The following ANK1 variants were observed in gnomAD, a reference collection of about 807,000 sequenced individuals.
The protein encoded by ANK1 is ankyrin-1.
Under a neutral mutation model 210.4 loss-of-function variants are expected in ANK1, and 51 were observed. The observed-to-expected ratio is 0.24, with a 90% CI of 0.19 to 0.31. ANK1 has a LOEUF of 0.31. Among genes scored for constraint, ANK1 ranks in the 10% least tolerant of loss-of-function variants. The pLI, the probability that ANK1 is intolerant of heterozygous loss-of-function variation, is 1.00. For missense variants in ANK1, 2,051 were observed against 2,504.4 expected (o/e 0.82, Z 3.86); for synonymous variants, 967 against 1,025.9 (o/e 0.94, Z 1.10).
intron 3 of ANK1, 87 bp downstream of exon 3, chr8:41,733,884 G>A: frequency 9.3e-7 from 1 of 1,074,512 alleles, no homozygotes; most frequent in African/African-American, 1.5e-5. Context: ...GCATGCCTGA[G>A]TTCTCTCATG....
At chr8:41,737,088 C>A (rs576757090) in intron 2 of ANK1, among the ~76,000 whole-genome samples, 17 of 152,324 alleles carry the variant, frequency 1.1e-4, no homozygotes, top group Admixed American at 9.8e-4. Flanking sequence ...CACTTGAGGG[C>A]AGGAGTTCGA....
At chr8:41,803,095 A>AAGGGAAGGGAAGGGAAGGG (rs1563811383) in intron 1 of ANK1, among the ~76,000 whole-genome samples, 1 of 50,934 alleles carries the variant, frequency 2.0e-5, no homozygotes, top group South Asian at 6.8e-4. Context: ...GAAGGAAAGG[A>AAGGGAAGGGAAGGGAAGGG]AAGGAAAGGA....
chr8:41,724,365 T>A (rs981190190), intron 7 of ANK1, 91 bp downstream of exon 7: 39 of 1,152,520 alleles, frequency 3.4e-5, no homozygotes, highest in Non-Finnish European at 4.7e-5. Context: ...CAGGCACTTC[T>A]GCCACTGGGA....
At chr8:41,665,178 G>C in intron 39 of ANK1, 1 of 1,533,686 alleles carries the variant, frequency 6.5e-7, no homozygotes, top group Non-Finnish European at 8.7e-7. Flanking sequence ...GTCTCTCACT[G>C]TTTCTCTCTC....
At chr8:41,823,011 G>A (rs1346624793) in intron 1 of ANK1, among the ~76,000 whole-genome samples, 3 of 152,238 alleles carry the variant, frequency 2.0e-5, no homozygotes, top group East Asian at 3.8e-4. Context: ...ACGCCTACAT[G>A]ACAGGCTGCT....
intron 1 of ANK1, among the ~76,000 whole-genome samples, chr8:41,812,621 G>C (rs1185730613): frequency 6.6e-6 from 1 of 152,202 alleles, no homozygotes; most frequent in Admixed American, 6.5e-5. Flanking sequence ...TGTGTCTGCA[G>C]TTTCTTAGAA....
In ANK1 at chr8:41,655,150, G is replaced by C; in HGVS notation, c.*640C>G. On this transcript the variant is annotated 3_prime_UTR_variant, in exon 43 of 43. Coordinates refer to ENST00000289734, the MANE Select transcript of ANK1 (RefSeq NM_000037.4). ...GAGTGGTGTGTGTGTGTGTGTGTGT[G>C]TGTCCTGAATGTCATGTAGAGCGAT... 6.5e-6 allele frequency: 1 copy of C among 154,414 alleles called. No individual in the cohort carries two copies. Among genetic ancestry groups the C allele is most frequent in the South Asian group, 2.0e-4 (1 of 4,958 alleles). 9.6% of individuals were successfully genotyped at this position (154,414 alleles called of 1,614,324 possible). A position where few individuals can be genotyped will look rare whatever the true frequency, so the allele number is the denominator to read the frequency against.
chr8:41,693,038 G>A (rs1819720498), intron 30 of ANK1, 67 bp downstream of exon 30: 2 of 1,534,132 alleles, frequency 1.3e-6, no homozygotes, highest in Non-Finnish European at 1.8e-6. Context: ...TCAGCCTCAG[G>A]CCTGGACGGC....
chr8:41,879,719 G>T (rs1355939823), intron 1 of ANK1, among the ~76,000 whole-genome samples: 1 of 152,188 alleles, frequency 6.6e-6, no homozygotes, highest in Non-Finnish European at 1.5e-5. Flanking sequence ...AACAACCAGC[G>T]CAGCCCGCTC....
At chr8:41,861,708 C>T (rs907014666) in intron 1 of ANK1, among the ~76,000 whole-genome samples, 10 of 152,214 alleles carry the variant, frequency 6.6e-5, no homozygotes, top group Admixed American at 4.6e-4. Flanking sequence ...CAGAAACGAG[C>T]GCAGGAGCGA....
rs556027749 is a variant in ANK1, at chr8:41,702,451, T to C, written c.2296-307A>G. On this transcript the variant is annotated intron_variant, in intron 20 of 42. Coordinates refer to ENST00000289734, the MANE Select transcript of ANK1 (RefSeq NM_000037.4). ...CAAGGAGAAGTCAGGCTCTGCTAAG[T>C]GGGAACCCACTGGGAAGGAGGTCAG... Among the ~76,000 whole-genome samples the C allele has an allele frequency of 3.4e-4, 51 of 152,184 alleles. 1 individual carries two copies. The highest frequency in any genetic ancestry group is 6.3e-4 in the Non-Finnish European group (43 of 68,008).
intron 37 of ANK1, among the ~76,000 whole-genome samples, chr8:41,678,035 T>A (rs906027241): frequency 6.6e-6 from 1 of 152,248 alleles, no homozygotes; most frequent in African/African-American, 2.4e-5. Context: ...TGTGCCCTGA[T>A]AGAGTTGCTC....
chr8:41,699,329 C>T, intron 23 of ANK1, 123 bp downstream of exon 23: 1 of 921,316 alleles, frequency 1.1e-6, no homozygotes, highest in Non-Finnish European at 1.8e-6. Context: ...CAAACCGTCT[C>T]TCTCTGCGGG....
chr8:41,670,945 G>A (rs1812063584), intron 38 of ANK1, among the ~76,000 whole-genome samples: 1 of 152,206 alleles, frequency 6.6e-6, no homozygotes, highest in Admixed American at 6.5e-5. Flanking sequence ...AGGACAACGT[G>A]AGCCCCATCT....
At chr8:41,799,144 G>T (rs535351237), upstream of ANK1, among the ~76,000 whole-genome samples, 25 of 152,320 alleles carry the variant, frequency 1.6e-4, no homozygotes, top group South Asian at 5.0e-3. Flanking sequence ...GAAGCACTTG[G>T]ACTCAAAACA....
chr8:41,663,977 C>T, intron 39 of ANK1: 2 of 639,134 alleles, frequency 3.1e-6, no homozygotes, highest in East Asian at 6.1e-5. Flanking sequence ...CAATTGTGCA[C>T]TTGGCCCTCA....
chr8:41,674,986 T>C lies in ANK1; in HGVS notation c.4538-2074A>G, dbSNP rs530521770. Among the ~76,000 whole-genome samples the C allele has an allele frequency of 1.8e-4, 27 of 152,354 alleles. No individual in the cohort carries two copies. The South Asian group carries it at 5.4e-3, about 30-fold the overall frequency. The stretch of plus-strand genomic sequence containing the variant: ...AGGGCCATGGCCTTCAAACCCTTCA[T>C]AGAAAACCCTCCACATATACAAAAG... On this transcript the variant is annotated intron_variant, in intron 37 of 42. Transcript: ENST00000289734.
At chr8:41,715,579 A>T in intron 14 of ANK1, 73 bp downstream of exon 14, 1 of 1,567,132 alleles carries the variant, frequency 6.4e-7, no homozygotes, top group Admixed American at 1.7e-5. Context: ...ACCAGGCAGG[A>T]ATTCCCCTCC....
chr8:41,805,214 T>C (rs976790414), intron 1 of ANK1, among the ~76,000 whole-genome samples: 1 of 151,362 alleles, frequency 6.6e-6, no homozygotes, highest in Non-Finnish European at 1.5e-5. Context: ...TTTGTCTCTC[T>C]CTCTCTCTCT....
Sources: gnomAD v4.1 joint callset for allele counts (sites outside exome capture counted in the v4.1 genomes callset) on GRCh38, gnomAD v4.1.1 for gene constraint, MANE v1.5 for transcripts, NCBI Gene and HGNC (gene_info 2026-07-23, HGNC 2026-07-21) for gene names.